The following ANKS1A variants were observed in gnomAD, a reference collection of about 807,000 sequenced individuals.
The protein encoded by ANKS1A is ankyrin repeat and SAM domain-containing protein 1A.
In ANKS1A, 55 loss-of-function variants were observed where a neutral mutation model predicts 120.3. The ratio of observed to expected loss-of-function variants is 0.46; its 90% CI spans 0.37 to 0.57. ANKS1A has a LOEUF of 0.57. ANKS1A is among the 20% of genes least tolerant of loss of function. The pLI is 0.00. For synonymous variants in ANKS1A, 590 were observed against 604.7 expected (o/e 0.98, Z 0.36); for missense variants, 1,123 against 1,480.3 (o/e 0.76, Z 3.96).
At chr6:35,056,731 A>G (rs1172079197) in intron 12 of ANKS1A, among the ~76,000 whole-genome samples, 3 of 152,158 alleles carry the variant, frequency 2.0e-5, no homozygotes, top group Non-Finnish European at 4.4e-5. Flanking sequence ...AGCTTGGGAA[A>G]GTCAAGAACA....
At chr6:35,067,523 G>A (rs950731717) in intron 13 of ANKS1A, among the ~76,000 whole-genome samples, 7 of 152,302 alleles carry the variant, frequency 4.6e-5, no homozygotes, top group African/African-American at 1.4e-4. Context: ...GGTGAGTGAC[G>A]GGCGTGCTTG....
intron 12 of ANKS1A, among the ~76,000 whole-genome samples, chr6:35,055,361 A>G (rs1466640068): frequency 1.3e-5 from 2 of 150,658 alleles, no homozygotes; most frequent in African/African-American, 4.9e-5. Flanking sequence ...ACGGAGTCTC[A>G]CTCTGTCACC....
At chr6:34,999,478 T>G (rs193172703) in intron 10 of ANKS1A, among the ~76,000 whole-genome samples, 1 of 152,278 alleles carries the variant, frequency 6.6e-6, no homozygotes, top group East Asian at 1.9e-4. Flanking sequence ...GAGCGTGGTG[T>G]TTTGTCTCAA....
chr6:35,096,686 G>C, the ANKS1A span, among the ~76,000 whole-genome samples: 1 of 152,122 alleles, frequency 6.6e-6, no homozygotes, highest in Admixed American at 6.6e-5. Context: ...CAGTCCAGAC[G>C]CCTGACATTC....
chr6:35,082,920 G>T lies in ANKS1A; in HGVS notation c.2835+104G>T. 1 of 1,516,668 alleles carries T rather than the reference G, an allele frequency of 6.6e-7. No homozygotes were observed. Among genetic ancestry groups the T allele is most frequent in the Non-Finnish European group, 8.8e-7 (1 of 1,132,618 alleles). 94.0% of individuals were successfully genotyped at this position (1,516,668 alleles called of 1,614,324 possible). A position where few individuals can be genotyped will look rare whatever the true frequency, so the allele number is the denominator to read the frequency against. On this transcript the variant is annotated intron_variant, in intron 18 of 23. Transcript: ENST00000360359. This position sits in a 1 kb window ranked among gnomAD's most constrained non-coding sequence, Gnocchi z 4.1. ...GGGACTCCACAAAGCCAGGCCCAGGGCTTTTGAGCTGTTCTCCACTCTCAG... is the reference window on the plus strand; with the variant it reads ...GGGACTCCACAAAGCCAGGCCCAGGTCTTTTGAGCTGTTCTCCACTCTCAG...
chr6:34,990,809 G>A (rs143483748), intron 9 of ANKS1A, among the ~76,000 whole-genome samples: 86 of 152,226 alleles, frequency 5.6e-4, no homozygotes, highest in African/African-American at 2.0e-3. Context: ...TGAATAGCCT[G>A]GAATTCTGGA....
chr6:35,021,948 T>C (rs1774363921), intron 11 of ANKS1A, among the ~76,000 whole-genome samples: 1 of 150,506 alleles, frequency 6.6e-6, no homozygotes, highest in Non-Finnish European at 1.5e-5. Context: ...ATCACACCAC[T>C]GCACCTCAGC....
intron 1 of ANKS1A, among the ~76,000 whole-genome samples, chr6:34,957,240 A>G (rs1770417806): frequency 6.6e-6 from 1 of 152,122 alleles, no homozygotes. Flanking sequence ...CTCTTTTGGC[A>G]CTGTTGTGGG....
intron 9 of ANKS1A, among the ~76,000 whole-genome samples, chr6:34,991,354 C>T (rs1007611432): frequency 3.3e-5 from 5 of 152,028 alleles, no homozygotes; most frequent in Non-Finnish European, 5.9e-5. Context: ...CAGGACTGGC[C>T]GTAGTCTTCT....
intron 1 of ANKS1A, among the ~76,000 whole-genome samples, chr6:34,929,464 T>C (rs1358803397): frequency 6.6e-6 from 1 of 152,220 alleles, no homozygotes; most frequent in Non-Finnish European, 1.5e-5. Context: ...TTGGCTTGCT[T>C]TCCATTCACC....
intron 2 of ANKS1A, among the ~76,000 whole-genome samples, chr6:34,969,314 C>T (rs567012349): frequency 2.0e-5 from 3 of 152,246 alleles, no homozygotes; most frequent in African/African-American, 4.8e-5. Flanking sequence ...AGTGCGATGG[C>T]GTAATCTCAG....
intron 3 of ANKS1A, among the ~76,000 whole-genome samples, chr6:34,976,386 C>T (rs1437021583): frequency 6.6e-6 from 1 of 152,044 alleles, no homozygotes; most frequent in Non-Finnish European, 1.5e-5. Context: ...TCGGTGTAAA[C>T]CAGCCAAATG....
chr6:34,962,154 G>A (rs1770669546), intron 1 of ANKS1A, among the ~76,000 whole-genome samples: 1 of 152,194 alleles, frequency 6.6e-6, no homozygotes, highest in Non-Finnish European at 1.5e-5. Context: ...TTTGGAAAAT[G>A]AGGTCATTGT....
chr6:35,020,477 A>AT (rs1774277519), intron 11 of ANKS1A, among the ~76,000 whole-genome samples: 1 of 152,202 alleles, frequency 6.6e-6, no homozygotes. Context: ...ACTCCTGGAT[A>AT]TGCTATCAAG....
chr6:35,083,798 T>G (rs1316534345), intron 20 of ANKS1A, among the ~76,000 whole-genome samples: 1 of 152,146 alleles, frequency 6.6e-6, no homozygotes, highest in East Asian at 1.9e-4. Flanking sequence ...CAAAGGACTT[T>G]CTCTGTGTGC....
intron 11 of ANKS1A, among the ~76,000 whole-genome samples, chr6:35,032,804 A>G (rs545848435): frequency 6.6e-6 from 1 of 152,348 alleles, no homozygotes; most frequent in African/African-American, 2.4e-5. Context: ...ATTCTAAAGC[A>G]TATTCAGAAT....
intron 1 of ANKS1A, among the ~76,000 whole-genome samples, chr6:34,953,144 T>G (rs1392953935): frequency 6.6e-6 from 1 of 152,212 alleles, no homozygotes; most frequent in South Asian, 2.1e-4. Context: ...TATGCAGTGC[T>G]TAATTGGTGG....
At chr6:35,039,527 T>G in intron 11 of ANKS1A, 1 of 455,704 alleles carries the variant, frequency 2.2e-6, no homozygotes, top group Admixed American at 2.4e-5. Context: ...TCATTTGCCT[T>G]GATAAAAAGT....
intron 13 of ANKS1A, among the ~76,000 whole-genome samples, chr6:35,066,551 G>A (rs1776785976): frequency 6.6e-6 from 1 of 151,868 alleles, no homozygotes; most frequent in African/African-American, 2.4e-5. Context: ...GAGAACAGGG[G>A]TCAGAGTGGG....
Sources: allele counts gnomAD v4.1 joint callset (sites outside exome capture counted in the v4.1 genomes callset), GRCh38; gene constraint gnomAD v4.1.1; non-coding constraint Gnocchi (gnomAD v3.1); transcripts MANE v1.5; gene names NCBI Gene and HGNC (gene_info 2026-07-23, HGNC 2026-07-21).